The following CTXND1 variants were observed in gnomAD, a reference collection of about 807,000 sequenced individuals.
CTXND1 encodes the protein cortexin domain-containing 1 protein.
rs1173053524 is a variant in CTXND1 at position 80,204,146 on chromosome 15, C to CAAAAAAAAA, written c.-217-415_-217-407dup. ...TGGGCGACAGAGCAAGACTGTGTCT[C>CAAAAAAAAA]AAAAAAAAAAAAAAAAAAAAAAAAT... On this transcript the variant is annotated intron_variant, in intron 1 of 2. Coordinates refer to ENST00000560778, the MANE Select transcript of CTXND1 (RefSeq NM_001352888.2). Among the ~76,000 whole-genome samples, 2 of 2,148 alleles carry CAAAAAAAAA rather than the reference C, an allele frequency of 9.3e-4. 1 individual carries two copies. Among genetic ancestry groups the CAAAAAAAAA allele is most frequent in the Admixed American group, 0.027 (2 of 74 alleles). 1.4% of individuals were successfully genotyped at this position (2,148 alleles called of 152,430 possible).
chr15:80,209,377 C>T (rs1022642828), intron 1 of CTXND1, among the ~76,000 whole-genome samples: 4 of 152,182 alleles, frequency 2.6e-5, no homozygotes, highest in East Asian at 1.9e-4. Context: ...CTGGCCTTCC[C>T]GGTGGCCAGC....
chr15:80,245,762 G>A (rs1395448384), intron 1 of CTXND1, among the ~76,000 whole-genome samples: 1 of 152,036 alleles, frequency 6.6e-6, no homozygotes, highest in Non-Finnish European at 1.5e-5. Flanking sequence ...CCTGTGAAAT[G>A]CCACCTGCCT....
intron 1 of CTXND1, among the ~76,000 whole-genome samples, chr15:80,210,651 C>T (rs941052343): frequency 8.4e-4 from 128 of 152,230 alleles, no homozygotes; most frequent in African/African-American, 2.8e-3. Flanking sequence ...TGCCTGAACA[C>T]TTCAGAATCA....
chr15:80,215,794 C>T (rs527381641), intron 1 of CTXND1, among the ~76,000 whole-genome samples: 79 of 152,300 alleles, frequency 5.2e-4, no homozygotes, highest in African/African-American at 1.8e-3. Context: ...CTTTTTATCT[C>T]CAAGATGATT....
chr15:80,222,095 T>C (rs570172695), intron 1 of CTXND1, among the ~76,000 whole-genome samples: 1 of 152,290 alleles, frequency 6.6e-6, no homozygotes, highest in Admixed American at 6.5e-5. Flanking sequence ...TTTAGATATA[T>C]TCATTAAATC....
intron 1 of CTXND1, among the ~76,000 whole-genome samples, chr15:80,223,646 G>C (rs1379101285): frequency 4.6e-5 from 7 of 152,092 alleles, no homozygotes; most frequent in African/African-American, 1.7e-4. Flanking sequence ...GTTTTCCATG[G>C]TGGATGGACA....
chr15:80,212,063 A>C (rs1457232893), intron 1 of CTXND1, among the ~76,000 whole-genome samples: 1 of 152,222 alleles, frequency 6.6e-6, no homozygotes, highest in Non-Finnish European at 1.5e-5. Flanking sequence ...GCTAATGGCT[A>C]ACTTGTGCAG....
chr15:80,211,046 G>A (rs1339455658), intron 1 of CTXND1, among the ~76,000 whole-genome samples: 1 of 152,248 alleles, frequency 6.6e-6, no homozygotes, highest in Non-Finnish European at 1.5e-5. Flanking sequence ...GTTTGGAGGA[G>A]GAGGGAACAA....
intron 1 of CTXND1, among the ~76,000 whole-genome samples, chr15:80,205,104 G>A (rs1487925582): frequency 6.6e-6 from 1 of 152,130 alleles, no homozygotes; most frequent in Non-Finnish European, 1.5e-5. Flanking sequence ...ATGCAAGCCT[G>A]TTATATAAAC....
rs540417101 is a variant in CTXND1, at chr15:80,221,182, T to TA, written c.-217-17443dup. Among the ~76,000 whole-genome samples the TA allele has an allele frequency of 0.012, 1,874 of 152,284 alleles. 90 individuals are homozygous for TA. The East Asian group carries it at 0.13, about 11-fold the overall frequency. On this transcript the variant is annotated intron_variant, in intron 1 of 2. Transcript: ENST00000560778. Reference sequence around the variant, plus strand: ...CCTCGGCCTCCCAAAGTGCTGGGATTACAGGCGTGAGCCACCACGCCCAGC... The same window carrying TA: ...CCTCGGCCTCCCAAAGTGCTGGGATTAACAGGCGTGAGCCACCACGCCCAGC...
chr15:80,242,098 C>A (rs568246830), intron 1 of CTXND1, among the ~76,000 whole-genome samples: 157 of 152,252 alleles, frequency 1.0e-3, no homozygotes, highest in African/African-American at 3.5e-3. Context: ...AACTGAGTCT[C>A]TTTATTCTAT....
intron 1 of CTXND1, among the ~76,000 whole-genome samples, chr15:80,221,109 C>T (rs745460156): frequency 5.3e-5 from 8 of 151,974 alleles, no homozygotes; most frequent in Non-Finnish European, 1.0e-4. Flanking sequence ...CGGGGTTTCA[C>T]CATGTTAGCC....
intron 1 of CTXND1, among the ~76,000 whole-genome samples, chr15:80,250,177 G>A (rs1349976815): frequency 6.6e-6 from 1 of 152,204 alleles, no homozygotes; most frequent in Admixed American, 6.5e-5. Flanking sequence ...GCCAGGTAGT[G>A]TAAATATTTG....
intron 1 of CTXND1, among the ~76,000 whole-genome samples, chr15:80,232,056 G>A (rs1012776871): frequency 1.3e-5 from 2 of 152,154 alleles, no homozygotes; most frequent in African/African-American, 4.8e-5. Context: ...TTCTGGTTGT[G>A]GTTGGAGAGA....
intron 1 of CTXND1, among the ~76,000 whole-genome samples, chr15:80,221,440 C>T (rs1185059881): frequency 2.6e-5 from 4 of 152,004 alleles, no homozygotes; most frequent in South Asian, 4.2e-4. Flanking sequence ...TGTTTGGACT[C>T]GACATGGTGG....
chr15:80,238,684 C>T (rs1270138864), intron 1 of CTXND1, among the ~76,000 whole-genome samples: 1 of 152,126 alleles, frequency 6.6e-6, no homozygotes, highest in Non-Finnish European at 1.5e-5. Flanking sequence ...ACCTTGTTAG[C>T]CAGGATGGTC....
At chr15:80,232,096 G>A (rs1346934765) in intron 1 of CTXND1, among the ~76,000 whole-genome samples, 1 of 152,162 alleles carries the variant, frequency 6.6e-6, no homozygotes, top group Non-Finnish European at 1.5e-5. Context: ...AGCGGAGTGA[G>A]GCTATAGGAG....
chr15:80,220,136 A>G (rs1357152777), intron 1 of CTXND1, among the ~76,000 whole-genome samples: 2 of 108,886 alleles, frequency 1.8e-5, no homozygotes, highest in African/African-American at 3.6e-5. Flanking sequence ...CTATCTATCT[A>G]TCTATCTATC....
At chr15:80,219,632 C>T (rs867990991) in intron 1 of CTXND1, among the ~76,000 whole-genome samples, 6 of 152,292 alleles carry the variant, frequency 3.9e-5, no homozygotes, top group Middle Eastern at 3.4e-3. Flanking sequence ...TATTCCTAAT[C>T]TCACAGTCAC....
Sources: allele counts gnomAD v4.1 joint callset (sites outside exome capture counted in the v4.1 genomes callset), GRCh38; gene constraint gnomAD v4.1.1; transcripts MANE v1.5; gene names NCBI Gene and HGNC (gene_info 2026-07-23, HGNC 2026-07-21).